SPAG16: variants seen among roughly 807,000 people sequenced by gnomAD.
The protein encoded by SPAG16 is sperm-associated antigen 16 protein.
In SPAG16, 86 loss-of-function variants were observed where a neutral mutation model predicts 80.4. The observed-to-expected ratio is 1.07, with a 90% CI of 0.90 to 1.28. SPAG16 has a LOEUF of 1.28. Ranked by LOEUF, SPAG16 falls within the 50% of genes most tolerant of loss-of-function variation. SPAG16 has a pLI of 0.00. For synonymous variants in SPAG16, 294 were observed against 265.9 expected (o/e 1.11, Z -1.03); for missense variants, 870 against 765.3 (o/e 1.14, Z -1.61).
At chr2:213,941,204 A>C (rs1473767819) in intron 12 of SPAG16, among the ~76,000 whole-genome samples, 1 of 152,142 alleles carries the variant, frequency 6.6e-6, no homozygotes, top group Non-Finnish European at 1.5e-5. Flanking sequence ...ACCTGTCATC[A>C]ACAAAATATT....
intron 15 of SPAG16, among the ~76,000 whole-genome samples, chr2:214,396,538 A>C (rs2126136493): frequency 6.6e-6 from 1 of 152,276 alleles, no homozygotes; most frequent in South Asian, 2.1e-4. Flanking sequence ...TAATCTAATA[A>C]GCCCCATTTG....
chr2:213,975,233 T>A (rs2045305885), intron 12 of SPAG16, among the ~76,000 whole-genome samples: 1 of 151,004 alleles, frequency 6.6e-6, no homozygotes, highest in Non-Finnish European at 1.5e-5. Context: ...ATAAATAATA[T>A]AGTTTATTTT....
intron 15 of SPAG16, among the ~76,000 whole-genome samples, chr2:214,376,564 T>G (rs776734782): frequency 6.6e-6 from 1 of 152,126 alleles, no homozygotes; most frequent in Non-Finnish European, 1.5e-5. Flanking sequence ...ACACTATATT[T>G]TCTTGATAAT....
At chr2:214,386,071 C>T (rs541780604) in intron 15 of SPAG16, among the ~76,000 whole-genome samples, 29 of 152,100 alleles carry the variant, frequency 1.9e-4, no homozygotes, top group African/African-American at 6.3e-4. Context: ...CCTCATAAAA[C>T]GACTTAAAAA....
chr2:214,254,617 T>C (rs1035743228), intron 15 of SPAG16, among the ~76,000 whole-genome samples: 5 of 152,020 alleles, frequency 3.3e-5, no homozygotes, highest in African/African-American at 1.2e-4. Context: ...ATGTGAGTTC[T>C]TTGAGAATGA....
intron 10 of SPAG16, among the ~76,000 whole-genome samples, chr2:213,612,206 A>G (rs535979919): frequency 5.3e-4 from 81 of 152,306 alleles, no homozygotes; most frequent in Non-Finnish European, 1.1e-3. Flanking sequence ...ATGGATATTT[A>G]TGTTTAATTT....
intron 10 of SPAG16, among the ~76,000 whole-genome samples, chr2:213,796,028 A>G (rs1159248268): frequency 6.6e-6 from 1 of 152,186 alleles, no homozygotes; most frequent in East Asian, 1.9e-4. Flanking sequence ...AAAAAGTCAC[A>G]TAATTATAAG....
At chr2:213,784,482 TATA>T (rs2070202204) in intron 10 of SPAG16, among the ~76,000 whole-genome samples, 1 of 150,870 alleles carries the variant, frequency 6.6e-6, no homozygotes, top group Non-Finnish European at 1.5e-5. Flanking sequence ...TTAACAGACA[TATA>T]ATATCACTTA....
intron 12 of SPAG16, among the ~76,000 whole-genome samples, chr2:213,994,890 CCACCAGCT>C (rs2046444149): frequency 6.6e-6 from 1 of 152,006 alleles, no homozygotes; most frequent in Non-Finnish European, 1.5e-5. Flanking sequence ...ATTTATTTTT[CCACCAGCT>C]CACTATCTTA....
chr2:213,942,957 C>T (rs560666499), intron 12 of SPAG16, among the ~76,000 whole-genome samples: 1 of 152,174 alleles, frequency 6.6e-6, no homozygotes, highest in African/African-American at 2.4e-5. Context: ...GAGATTAGTG[C>T]CCTTATATAG....
Position 213,364,112 on chromosome 2 carries a change from A to G in SPAG16, c.799A>G (p.Arg267Gly). Residue 267 changes from arginine (R) to glycine (G), a missense_variant, in exon 8 of 16, where the codon AGA becomes GGA. Coordinates refer to ENST00000331683, the MANE Select transcript of SPAG16 (RefSeq NM_024532.5). ...TCAAGAAACATTGAAGAAACTGCAA[A>G]GAGGACATAGTTACCATGGTCCTCA... The part of the protein sequence containing the change: ...GLQETLKKLQ[R>G]GHSYHGPQIK... 6.6e-7 allele frequency: 1 copy of G among 1,526,562 alleles called. No homozygotes were observed. Among genetic ancestry groups the G allele is most frequent in the Non-Finnish European group, 8.8e-7 (1 of 1,140,564 alleles). 94.6% of individuals were successfully genotyped at this position (1,526,562 alleles called of 1,614,324 possible).
chr2:213,588,610 G>C (rs1456213217), intron 10 of SPAG16, among the ~76,000 whole-genome samples: 1 of 150,546 alleles, frequency 6.6e-6, no homozygotes, highest in African/African-American at 2.4e-5. Flanking sequence ...AGACCATCCT[G>C]GCTAACAAGG....
chr2:213,961,051 A>G (rs1010750088), intron 12 of SPAG16, among the ~76,000 whole-genome samples: 1 of 152,186 alleles, frequency 6.6e-6, no homozygotes, highest in Non-Finnish European at 1.5e-5. Flanking sequence ...ATAGGTAGCT[A>G]CTATTATGTT....
At chr2:213,536,754 G>A (rs1330288675) in intron 10 of SPAG16, among the ~76,000 whole-genome samples, 4 of 151,978 alleles carry the variant, frequency 2.6e-5, no homozygotes, top group Admixed American at 6.6e-5. Flanking sequence ...AGTAGGTTGC[G>A]AAAATTTTCT....
chr2:213,875,567 C>G (rs1037103436), intron 11 of SPAG16, among the ~76,000 whole-genome samples: 4 of 152,132 alleles, frequency 2.6e-5, no homozygotes, highest in African/African-American at 9.7e-5. Context: ...AATTCTTGCT[C>G]TCACACTGAT....
intron 10 of SPAG16, among the ~76,000 whole-genome samples, chr2:213,796,279 C>T (rs1296991195): frequency 1.3e-5 from 2 of 152,020 alleles, no homozygotes; most frequent in Non-Finnish European, 2.9e-5. Context: ...TACTCTATTG[C>T]CATTACCCCC....
chr2:214,181,746 C>G (rs2057313092), intron 15 of SPAG16, among the ~76,000 whole-genome samples: 1 of 151,648 alleles, frequency 6.6e-6, no homozygotes, highest in Non-Finnish European at 1.5e-5. Context: ...ATATTTTAGC[C>G]CAGCAAGTAC....
At chr2:213,854,470 G>T (rs990418143) in intron 10 of SPAG16, among the ~76,000 whole-genome samples, 11 of 152,144 alleles carry the variant, frequency 7.2e-5, no homozygotes, top group African/African-American at 2.7e-4. Context: ...AAATAAAAAA[G>T]CTGGGCTGTA....
intron 11 of SPAG16, among the ~76,000 whole-genome samples, chr2:213,909,712 A>T (rs1158735751): frequency 1.3e-5 from 2 of 152,192 alleles, no homozygotes; most frequent in African/African-American, 2.4e-5. Flanking sequence ...CTTACACCTT[A>T]TACAAAAATT....
Sources: allele counts gnomAD v4.1 joint callset (sites outside exome capture counted in the v4.1 genomes callset), GRCh38; gene constraint gnomAD v4.1.1; transcripts MANE v1.5; gene names NCBI Gene and HGNC (gene_info 2026-07-23, HGNC 2026-07-21).